The following PCDHGB3 variants were observed in gnomAD, a reference collection of about 807,000 sequenced individuals.
PCDHGB3 encodes the protein protocadherin gamma-B3.
In PCDHGB3, 40 loss-of-function variants were observed where a neutral mutation model predicts 59.2. The ratio of observed to expected loss-of-function variants is 0.68; its 90% CI spans 0.52 to 0.88. The LOEUF is 0.88. Ranked by LOEUF, PCDHGB3 falls within the 40% of genes least tolerant of loss-of-function variation. The pLI, the probability that PCDHGB3 is intolerant of heterozygous loss-of-function variation, is 0.00. For missense variants in PCDHGB3, 1,309 were observed against 1,187.9 expected (o/e 1.10, Z -1.50); for synonymous variants, 581 against 503.6 (o/e 1.15, Z -2.06).
chr5:141,371,516 A>G lies in PCDHGB3; in HGVS notation c.1122A>G (p.Leu374=). The G allele has an allele frequency of 6.2e-7, 1 of 1,613,882 alleles. No homozygotes were observed. ...TTGCCCTGATCAAAACACATGATCT[A>G]GATTCTGGATTTAATGGAGAAATCC... ...TAVALIKTHD[L]DSGFNGEILC... The change falls in exon 1 of 4, where the codon CTA becomes CTG. Residue 374 remains leucine (L), a synonymous_variant. Transcript: ENST00000576222.
In PCDHGB3 at chr5:141,373,351, T is replaced by A. The variant is rs147280674; in HGVS notation, c.2415+542T>A. Among the ~76,000 whole-genome samples, 5 of 152,328 alleles carry A rather than the reference T, an allele frequency of 3.3e-5. No homozygotes were observed. In the East Asian group the frequency reaches 7.7e-4, roughly 23 times the overall value. On this transcript the variant is annotated intron_variant, in intron 1 of 3. Transcript: ENST00000576222. ...GCATCTAAAATGGCAACTCTTGTAA[T>A]GGGCACTGTAATGAATTGGTTCAAA...
intron 1 of PCDHGB3, chr5:141,422,576 CTCCCGTTTT>C: frequency 6.2e-7 from 1 of 1,614,034 alleles, no homozygotes; most frequent in African/African-American, 1.3e-5. Context: ...AACGATAACC[CTCCCGTTTT>C]TCCTCACTCC....
intron 1 of PCDHGB3, among the ~76,000 whole-genome samples, chr5:141,439,599 G>A (rs1319524199): frequency 6.6e-6 from 1 of 152,146 alleles, no homozygotes; most frequent in Non-Finnish European, 1.5e-5. Flanking sequence ...TGGCCAGTCT[G>A]GAAACAGAGA....
intron 1 of PCDHGB3, among the ~76,000 whole-genome samples, chr5:141,488,139 T>A (rs906194527): frequency 6.6e-6 from 1 of 152,084 alleles, no homozygotes; most frequent in Non-Finnish European, 1.5e-5. Context: ...AGGAGAGAAC[T>A]AAAGGAATAG....
At chr5:141,420,811 CT>C (rs2096526727) in intron 1 of PCDHGB3, among the ~76,000 whole-genome samples, 1 of 152,214 alleles carries the variant, frequency 6.6e-6, no homozygotes, top group Admixed American at 6.5e-5. Flanking sequence ...TAAGCAAGCC[CT>C]TTTAATAATT....
chr5:141,489,080 C>CCCA lies in PCDHGB3; in HGVS notation c.2416-5727_2416-5726insCCA. On this transcript the variant is annotated intron_variant, in intron 1 of 3. Coordinates refer to ENST00000576222, the MANE Select transcript of PCDHGB3 (RefSeq NM_018924.5). This position sits in a 1 kb window ranked among gnomAD's most constrained non-coding sequence, Gnocchi z 4.5. ...TCCCCTCCCCCCTGCCCACCCCCGC[C>CCCA]ACTCGGTGACTAAGAACTGCTGCAA... 3.0e-6 allele frequency: 1 copy of CCCA among 336,172 alleles called. No individual in the cohort carries two copies. The highest frequency in any genetic ancestry group is 5.5e-5 in the East Asian group (1 of 18,342). 20.8% of individuals were successfully genotyped at this position (336,172 alleles called of 1,614,324 possible).
intron 2 of PCDHGB3, among the ~76,000 whole-genome samples, chr5:141,504,997 AC>A (rs554150488): frequency 9.9e-5 from 15 of 152,238 alleles, no homozygotes; most frequent in African/African-American, 2.9e-4. Flanking sequence ...CCCCGTCTGT[AC>A]TAAAAATACA....
chr5:141,497,689 A>G (rs951295378), intron 2 of PCDHGB3, among the ~76,000 whole-genome samples: 1 of 151,958 alleles, frequency 6.6e-6, no homozygotes, highest in African/African-American at 2.4e-5. Flanking sequence ...GCAGGTGTGC[A>G]CCACCACACC....
At chr5:141,403,236 T>G in intron 1 of PCDHGB3, 1 of 1,613,908 alleles carries the variant, frequency 6.2e-7, no homozygotes, top group South Asian at 1.1e-5. Flanking sequence ...CGGGAGGAGC[T>G]CTGTGCTCAG....
intron 3 of PCDHGB3, among the ~76,000 whole-genome samples, chr5:141,510,054 G>A (rs1166696269): frequency 1.3e-5 from 2 of 152,180 alleles, no homozygotes; most frequent in Non-Finnish European, 2.9e-5. Context: ...AAAAGTGATT[G>A]TGCATGTGAA....
chr5:141,423,874 A>G (rs1264795133), intron 1 of PCDHGB3: 2 of 1,283,268 alleles, frequency 1.6e-6, no homozygotes, highest in East Asian at 3.1e-5. Context: ...GTCATTTTTC[A>G]ATCTTGGCAT....
chr5:141,373,902 T>G (rs973881316), intron 1 of PCDHGB3: 8 of 577,832 alleles, frequency 1.4e-5, no homozygotes, highest in Admixed American at 3.7e-5. Context: ...AGTTACATCC[T>G]CCAACAACAA....
chr5:141,385,640 A>C (rs917789862), intron 1 of PCDHGB3: 1 of 803,664 alleles, frequency 1.2e-6, no homozygotes, highest in Admixed American at 4.6e-5. Context: ...CGAGTCTTTC[A>C]TATTGCACAA....
intron 1 of PCDHGB3, chr5:141,410,798 T>C: frequency 1.4e-6 from 1 of 712,186 alleles, no homozygotes; most frequent in Non-Finnish European, 2.1e-6. Flanking sequence ...CATAAGTTGC[T>C]CTATCTTTTT....
intron 1 of PCDHGB3, chr5:141,419,166 A>G: frequency 6.2e-7 from 1 of 1,613,944 alleles, no homozygotes; most frequent in Non-Finnish European, 8.5e-7. Context: ...TCCTCCAGCA[A>G]AACCATAACC....
chr5:141,449,645 A>G (rs1331667429), intron 1 of PCDHGB3, among the ~76,000 whole-genome samples: 1 of 151,128 alleles, frequency 6.6e-6, no homozygotes, highest in African/African-American at 2.4e-5. Context: ...CTATATATAC[A>G]TATTTACATA....
intron 1 of PCDHGB3, chr5:141,423,619 T>A (rs1389600826): frequency 1.2e-6 from 2 of 1,608,208 alleles, no homozygotes; most frequent in Non-Finnish European, 1.7e-6. Context: ...AGCTGAAGAC[T>A]CAGCTATCAT....
chr5:141,474,180 A>G (rs763042503), intron 1 of PCDHGB3, among the ~76,000 whole-genome samples: 4 of 152,240 alleles, frequency 2.6e-5, no homozygotes, highest in Non-Finnish European at 4.4e-5. Context: ...TGAGAAAACT[A>G]CTTACATTTT....
chr5:141,398,336 C>T lies in PCDHGB3; in HGVS notation c.2415+25527C>T, dbSNP rs2093641789. The T allele has an allele frequency of 7.3e-6, 10 of 1,363,224 alleles. No individual in the cohort carries two copies. In the East Asian group the frequency reaches 1.7e-4, roughly 24 times the overall value. 84.4% of individuals were successfully genotyped at this position (1,363,224 alleles called of 1,614,324 possible). On this transcript the variant is annotated intron_variant, in intron 1 of 3. Coordinates refer to ENST00000576222, the MANE Select transcript of PCDHGB3 (RefSeq NM_018924.5). ...CCGACTCGAAAACTGCGCGTCAGTT[C>T]GGAGAAGCCTTACTTCACCGTGAGC...
Sources: gnomAD v4.1 joint callset for allele counts (sites outside exome capture counted in the v4.1 genomes callset) on GRCh38, gnomAD v4.1.1 for gene constraint, Gnocchi (gnomAD v3.1) non-coding constraint, MANE v1.5 for transcripts, NCBI Gene and HGNC (gene_info 2026-07-23, HGNC 2026-07-21) for gene names.